The following FCHSD2 variants were observed in gnomAD, a reference collection of about 807,000 sequenced individuals.
The protein encoded by FCHSD2 is F-BAR and double SH3 domains protein 2.
FCHSD2 carries 38 observed loss-of-function variants against 108.1 expected under a neutral mutation model. The ratio of observed to expected loss-of-function variants is 0.35; its 90% CI spans 0.27 to 0.46. The LOEUF is 0.46. FCHSD2 is among the 20% of genes least tolerant of loss of function. The pLI, the probability that FCHSD2 is intolerant of heterozygous loss-of-function variation, is 1.00. For missense variants in FCHSD2, 751 were observed against 897.8 expected (o/e 0.84, Z 2.09); for synonymous variants, 279 against 314.7 (o/e 0.89, Z 1.20).
intron 13 of FCHSD2, among the ~76,000 whole-genome samples, chr11:72,858,365 C>T (rs1445301793): frequency 6.6e-6 from 1 of 152,202 alleles, no homozygotes; most frequent in Non-Finnish European, 1.5e-5. Flanking sequence ...ATGAAATAAA[C>T]CTAAATGCCC....
chr11:72,960,996 G>A (rs577402285), intron 8 of FCHSD2, among the ~76,000 whole-genome samples: 6 of 152,264 alleles, frequency 3.9e-5, no homozygotes, highest in Admixed American at 2.0e-4. Flanking sequence ...TGCAGAGTAG[G>A]GTAAATAGAA....
chr11:73,023,945 G>A (rs1858167925), intron 3 of FCHSD2, among the ~76,000 whole-genome samples: 1 of 152,112 alleles, frequency 6.6e-6, no homozygotes, highest in Non-Finnish European at 1.5e-5. Context: ...TGACATTCTG[G>A]GAAAGACCAA....
In FCHSD2 at chr11:72,926,428, C is replaced by T. The variant is rs185339880; in HGVS notation, c.706-4478G>A. On this transcript the variant is annotated intron_variant, in intron 8 of 19. Coordinates refer to ENST00000409418, the MANE Select transcript of FCHSD2 (RefSeq NM_014824.3). ...TATTCTCTCTGCTAATAGCTGGAGA[C>T]GATGGGATGGCCAGCTGCAGAGAGG... Among the ~76,000 whole-genome samples the T allele has an allele frequency of 2.6e-5, 4 of 152,142 alleles. 1 individual carries two copies. The highest frequency in any genetic ancestry group is 7.2e-5 in the African/African-American group (3 of 41,518).
At chr11:73,076,525 T>C (rs1353602118) in intron 3 of FCHSD2, among the ~76,000 whole-genome samples, 2 of 152,194 alleles carry the variant, frequency 1.3e-5, no homozygotes, top group Non-Finnish European at 2.9e-5. Context: ...ATGGTTACTT[T>C]GGGCTCAGGA....
intron 12 of FCHSD2, among the ~76,000 whole-genome samples, chr11:72,877,003 A>C (rs1028128202): frequency 1.3e-5 from 2 of 149,342 alleles, no homozygotes; most frequent in Non-Finnish European, 1.5e-5. Flanking sequence ...CAGGGTCTGG[A>C]CTTTGTTGTC....
intron 8 of FCHSD2, among the ~76,000 whole-genome samples, chr11:72,944,578 A>G (rs529829545): frequency 2.2e-4 from 34 of 152,206 alleles, no homozygotes; most frequent in South Asian, 1.0e-3. Context: ...GGAAATAAAG[A>G]GTATTTAATT....
In FCHSD2 at chr11:73,142,234, GCGCTCCCGGTCGGCCGCCTGCGCCGC is replaced by G. The variant is rs563321299; in HGVS notation, c.-383_-358del. 7.5e-3 allele frequency: 1,188 copies of G among 158,584 alleles called. 11 individuals carry two copies. Among genetic ancestry groups the G allele is most frequent in the African/African-American group, 0.026 (1,101 of 41,654 alleles). 9.8% of individuals were successfully genotyped at this position (158,584 alleles called of 1,614,324 possible). ...CGGGTTAGCCGCAGCCGCGTTGTCC[GCGCTCCCGGTCGGCCGCCTGCGCCGC>G]CGCTCCCGGCGGACGCAGCGGCCCC... On this transcript the variant is annotated 5_prime_UTR_variant, in exon 1 of 20. Coordinates refer to ENST00000409418, the MANE Select transcript of FCHSD2 (RefSeq NM_014824.3).
chr11:72,903,938 C>T (rs1378219081), intron 9 of FCHSD2, among the ~76,000 whole-genome samples: 2 of 152,154 alleles, frequency 1.3e-5, no homozygotes, highest in African/African-American at 4.8e-5. Context: ...CCAGGTCCAA[C>T]ATGAAACACA....
chr11:72,986,116 T>C (rs1353247005), intron 6 of FCHSD2, among the ~76,000 whole-genome samples: 1 of 152,222 alleles, frequency 6.6e-6, no homozygotes, highest in Non-Finnish European at 1.5e-5. Context: ...TGAACACATA[T>C]GCAGCCCAAC....
At chr11:72,991,344 C>G (rs1857410594) in intron 5 of FCHSD2, among the ~76,000 whole-genome samples, 3 of 152,296 alleles carry the variant, frequency 2.0e-5, no homozygotes, top group Admixed American at 6.5e-5. Context: ...AAGAGGGAAT[C>G]CTCCCTAACT....
chr11:72,842,047 C>T (rs965261785), intron 17 of FCHSD2, among the ~76,000 whole-genome samples: 7 of 152,214 alleles, frequency 4.6e-5, no homozygotes, highest in Non-Finnish European at 8.8e-5. Flanking sequence ...TTCCTTCTTC[C>T]TCTACCTGTC....
chr11:73,036,565 G>A (rs553685033), intron 3 of FCHSD2, among the ~76,000 whole-genome samples: 1 of 152,116 alleles, frequency 6.6e-6, no homozygotes, highest in African/African-American at 2.4e-5. Context: ...GCAAGTCCCT[G>A]ATAAATTATA....
chr11:72,984,174 C>A lies in FCHSD2; in HGVS notation c.619G>T (p.Ala207Ser). The change falls in exon 8 of 20, where the codon GCA becomes TCA. Residue 207 changes from alanine to serine, a missense_variant. By Grantham distance (99) the Ala-to-Ser change is moderately conservative (BLOSUM62 1). Transcript: ENST00000409418. ...AGGGTAAGAAGATAATCATTCCTTG[C>A]GTGGGTAGCTTTGGAATTACACTCA... The part of the protein sequence containing the change: ...RSECNSKATH[A>S]RNDYLLTLAA... 5 of 1,613,388 alleles carry A rather than the reference C, an allele frequency of 3.1e-6. No homozygotes were observed. Among genetic ancestry groups the A allele is most frequent in the Non-Finnish European group, 4.2e-6 (5 of 1,179,392 alleles).
intron 4 of FCHSD2, among the ~76,000 whole-genome samples, chr11:73,012,227 G>A (rs1301252554): frequency 6.6e-6 from 1 of 152,178 alleles, no homozygotes; most frequent in Non-Finnish European, 1.5e-5. Context: ...GACATGAAGG[G>A]ATTTCTAAAA....
intron 8 of FCHSD2, chr11:72,940,678 A>G (rs1332008259): frequency 8.6e-7 from 1 of 1,166,492 alleles, no homozygotes; most frequent in Non-Finnish European, 1.3e-6. Context: ...AGGTTACATT[A>G]TATATAGGAT....
chr11:73,054,489 G>C (rs920765429), intron 3 of FCHSD2, among the ~76,000 whole-genome samples: 2 of 152,022 alleles, frequency 1.3e-5, no homozygotes, highest in Non-Finnish European at 2.9e-5. Flanking sequence ...TAAAATTCCT[G>C]TCTATTTTGG....
At chr11:73,077,916 A>T (rs1859595332) in intron 3 of FCHSD2, among the ~76,000 whole-genome samples, 1 of 152,188 alleles carries the variant, frequency 6.6e-6, no homozygotes, top group African/African-American at 2.4e-5. Context: ...ATAACAATAA[A>T]GCTATTTTTT....
Position 72,849,876 on chromosome 11 carries a change from G to C in FCHSD2, c.1322C>G (p.Thr441Ser). Residue 441 changes from threonine to serine, a missense_variant, in exon 14 of 20, where the codon ACC becomes AGC. Thr to Ser is a moderately conservative substitution (Grantham distance 58). Coordinates refer to ENST00000409418, the MANE Select transcript of FCHSD2 (RefSeq NM_014824.3). ...NGTLHSLNADTEREEGEEFED... is the reference protein window; with the variant it reads ...NGTLHSLNADSEREEGEEFED... ...AAACTCTTCGCCTTCTTCTCTTTCG[G>C]TATCTGCATTAAGCTAAGAAAAATT... is the stretch of plus-strand genomic sequence containing the variant. The C allele has an allele frequency of 2.5e-6, 4 of 1,613,328 alleles. No homozygotes were observed. The highest frequency in any genetic ancestry group is 2.5e-6 in the Non-Finnish European group (3 of 1,179,488).
In FCHSD2 at chr11:73,141,982, T is replaced by TGA. The variant is rs1268404020; in HGVS notation, c.-107_-106dup. The TGA allele has an allele frequency of 8.6e-7, 1 of 1,165,754 alleles. No homozygotes were observed. Among genetic ancestry groups the TGA allele is most frequent in the African/African-American group, 1.6e-5 (1 of 63,754 alleles). The allele number at this position is 1,165,754 out of a possible 1,614,324, so 72.2% of individuals were successfully genotyped here. A position where few individuals can be genotyped will look rare whatever the true frequency, so the allele number is the denominator to read the frequency against. On this transcript the variant is annotated 5_prime_UTR_variant, in exon 1 of 20. Transcript: ENST00000409418. ...ACGGCCCAGCGAGCGCGCGCGTGTG[T>TGA]GAAAGGAGCGCTTAAGAAGCAAGAC...
Sources: allele counts gnomAD v4.1 joint callset (sites outside exome capture counted in the v4.1 genomes callset), GRCh38; gene constraint gnomAD v4.1.1; transcripts MANE v1.5; gene names NCBI Gene and HGNC (gene_info 2026-07-23, HGNC 2026-07-21).